Variants in PLK4 observed in about 807,000 individuals in gnomAD.
PLK4 encodes serine/threonine-protein kinase PLK4.
Under a neutral mutation model 103.0 loss-of-function variants are expected in PLK4, and 51 were observed. The ratio of observed to expected loss-of-function variants is 0.50; its 90% CI spans 0.40 to 0.63. The LOEUF is 0.63. Ranked by LOEUF, PLK4 falls within the 20% of genes least tolerant of loss-of-function variation. The pLI is 0.00. For synonymous variants in PLK4, 389 were observed against 376.8 expected (o/e 1.03, Z -0.38); for missense variants, 1,054 against 1,151.0 (o/e 0.92, Z 1.22).
chr4:127,886,518 G>A lies in PLK4; in HGVS notation c.1148G>A (p.Gly383Asp). Residue 383 changes from glycine (G) to aspartate (D), a missense_variant, in exon 5 of 16, where the codon GGC (glycine) becomes GAC (aspartate). Coordinates refer to ENST00000270861, the MANE Select transcript of PLK4 (RefSeq NM_014264.5). ...AGAGCTTATTCCTCTGATAGATCTG[G>A]CACTTCTAATAGTCAGTCTCAAGCA... ...LRRAYSSDRS[G>D]TSNSQSQAKT... 9 of 1,613,786 alleles carry A rather than the reference G, an allele frequency of 5.6e-6. No individual in the cohort carries two copies. The highest frequency in any genetic ancestry group is 6.8e-6 in the Non-Finnish European group (8 of 1,179,750).
rs1307833142 is a variant in PLK4 at position 127,883,480 on chromosome 4, A to G, written c.264A>G (p.Val88=). 7 of 1,541,376 alleles carry G rather than the reference A, an allele frequency of 4.5e-6. No individual in the cohort carries two copies. In the East Asian group the frequency reaches 9.0e-5, roughly 20 times the overall value. ...AAGATAGCAATTATGTGTATCTGGT[A>G]TTAGAAATGTGCCATAATGGAGAAA... ...YFEDSNYVYL[V]LEMCHNGEMN... The change falls in exon 4 of 16, where the codon GTA becomes GTG. Residue 88 remains valine (V), a synonymous_variant. Transcript: ENST00000270861.
At chr4:127,885,113 C>T (rs1034288946) in intron 4 of PLK4, among the ~76,000 whole-genome samples, 2 of 152,150 alleles carry the variant, frequency 1.3e-5, no homozygotes, top group African/African-American at 4.8e-5. Flanking sequence ...AAGTAGGCTT[C>T]TCTTAACTGC....
chr4:127,882,250 C>T (rs2148815389), intron 2 of PLK4, among the ~76,000 whole-genome samples: 1 of 152,188 alleles, frequency 6.6e-6, no homozygotes, highest in Non-Finnish European at 1.5e-5. Context: ...TTTTGTATTT[C>T]CCTGTAACAT....
rs550958206 is a variant in PLK4, at chr4:127,885,999, C to G, written c.629C>G (p.Pro210Arg). ...TATACATTACTTATCGGGAGACCACCCTTCGACACTGACACAGTCAAGAAC... is the reference window on the plus strand; with the variant it reads ...TATACATTACTTATCGGGAGACCACGCTTCGACACTGACACAGTCAAGAAC... ...MFYTLLIGRP[P>R]FDTDTVKNTL... is the part of the protein sequence containing the mutation. The change falls in exon 5 of 16, where the codon CCC becomes CGC. Residue 210 changes from proline to arginine, a missense_variant. Pro to Arg is a moderately radical substitution (Grantham distance 103). Around this residue, in one of 4 missense-constraint regions of PLK4, gnomAD observed 199 missense variants for 270.1 expected, o/e 0.74. Coordinates refer to ENST00000270861, the MANE Select transcript of PLK4 (RefSeq NM_014264.5). 6.2e-7 allele frequency: 1 copy of G among 1,614,052 alleles called. No individual in the cohort carries two copies. The highest frequency in any genetic ancestry group is 1.3e-5 in the African/African-American group (1 of 75,022).
At position 127,885,890 on chromosome 4, in the gene PLK4, A is replaced by G; in HGVS notation, c.520A>G (p.Thr174Ala). ...PHEKHYTLCG[T>A]PNYISPEIAT... ...TGAAAAGCACTATACATTATGTGGA[A>G]CTCCTAACTACATTTCACCAGAAAT... Residue 174 changes from threonine (T) to alanine (A), a missense_variant, in exon 5 of 16, where the codon ACT becomes GCT. By Grantham distance (58) the Thr-to-Ala change is moderately conservative. Coordinates refer to ENST00000270861, the MANE Select transcript of PLK4 (RefSeq NM_014264.5). 2 of 1,614,024 alleles carry G rather than the reference A, an allele frequency of 1.2e-6. No homozygotes were observed. Among genetic ancestry groups the G allele is most frequent in the Non-Finnish European group, 1.7e-6 (2 of 1,179,952 alleles).
Position 127,885,864 on chromosome 4 carries a change from A to G in PLK4, c.494A>G (p.His165Arg). 6.2e-7 allele frequency: 1 copy of G among 1,614,186 alleles called. No homozygotes were observed. The change falls in exon 5 of 16, where the codon CAT becomes CGT. Residue 165 changes from histidine (H) to arginine (R), a missense_variant. By Grantham distance (29) the His-to-Arg change is conservative. Transcript: ENST00000270861. The stretch of plus-strand genomic sequence containing the variant: ...CTGGCAACTCAACTGAAAATGCCAC[A>G]TGAAAAGCACTATACATTATGTGGA... ...FGLATQLKMP[H>R]EKHYTLCGTP...
rs984068940 is a variant in PLK4 at position 127,897,010 on chromosome 4, A to T, written c.2810+103A>T. The stretch of plus-strand genomic sequence containing the variant: ...TAATAAAGATACTTCTTTCATTTTG[A>T]CAATGATCGTGTGATTCTTTAAACT... On this transcript the variant is annotated intron_variant, in intron 15 of 15. Coordinates refer to ENST00000270861, the MANE Select transcript of PLK4 (RefSeq NM_014264.5). 42 of 637,004 alleles carry T rather than the reference A, an allele frequency of 6.6e-5. No individual in the cohort carries two copies. In the Admixed American group the frequency reaches 1.2e-3, roughly 18 times the overall value. The allele number at this position is 637,004 out of a possible 1,614,324, so 39.5% of individuals were successfully genotyped here.
At chr4:127,882,418 G>A (rs1734965318) in intron 2 of PLK4, among the ~76,000 whole-genome samples, 1 of 152,052 alleles carries the variant, frequency 6.6e-6, no homozygotes, top group Non-Finnish European at 1.5e-5. Flanking sequence ...TCAGGAGTTT[G>A]AAAACAACTG....
At chr4:127,898,079 A>AC (rs987855202) in intron 15 of PLK4, among the ~76,000 whole-genome samples, 2 of 150,764 alleles carry the variant, frequency 1.3e-5, no homozygotes, top group African/African-American at 4.9e-5. Flanking sequence ...CTCGTAATCC[A>AC]CCCCCCTTGG....
intron 10 of PLK4, 175 bp from the exon 11 acceptor site, chr4:127,893,110 T>A (rs1735425714): frequency 4.4e-6 from 2 of 451,780 alleles, no homozygotes; most frequent in South Asian, 8.8e-5. Context: ...GGGAAAAAAA[T>A]GGATGATCCA....
intron 4 of PLK4, 93 bp from the exon 5 acceptor site, chr4:127,885,615 A>G (rs928661141): frequency 1.8e-4 from 180 of 978,446 alleles, no homozygotes; most frequent in Non-Finnish European, 1.9e-4. Flanking sequence ...GCTCTAGAAT[A>G]TTTACCTGGG....
chr4:127,883,565 G>GT lies in PLK4; in HGVS notation c.337+20dup, dbSNP rs764441801. On this transcript the variant is annotated intron_variant, in intron 4 of 15. Coordinates refer to ENST00000270861, the MANE Select transcript of PLK4 (RefSeq NM_014264.5). ...CTCAGAAAATGAAGGTAGGTGTGTG[G>GT]TTTTTTTTGTTTGTTTTGTTTGGGT... 1.0e-4 allele frequency: 122 copies of GT among 1,194,064 alleles called. No homozygotes were observed. The highest frequency in any genetic ancestry group is 1.2e-4 in the South Asian group (9 of 76,324). 74.0% of individuals were successfully genotyped at this position (1,194,064 alleles called of 1,614,324 possible).
In PLK4 at chr4:127,885,807, G is replaced by A. The variant is rs35232579; in HGVS notation, c.437G>A (p.Arg146His). The change falls in exon 5 of 16, where the codon CGT becomes CAT. Residue 146 changes from arginine (R) to histidine (H), a missense_variant. Around this residue, in one of 4 missense-constraint regions of PLK4, gnomAD observed 199 missense variants for 270.1 expected, o/e 0.74. Transcript: ENST00000270861. ...ACACTTTCTAACCTCCTACTGACTC[G>A]TAATATGAACATCAAGATTGCTGAT... Reference protein sequence around the residue: ...DLTLSNLLLTRNMNIKIADFG... With the variant: ...DLTLSNLLLTHNMNIKIADFG... The A allele has an allele frequency of 1.8e-4, 294 of 1,613,690 alleles. 1 individual carries two copies. The highest frequency in any genetic ancestry group is 2.3e-4 in the Non-Finnish European group (276 of 1,179,898).
chr4:127,892,268 T>C (rs1735388694), intron 9 of PLK4, 97 bp from the exon 10 acceptor site: 2 of 737,156 alleles, frequency 2.7e-6, no homozygotes, highest in Admixed American at 3.3e-5. Flanking sequence ...TAAGAAAACC[T>C]GTCTAATGTA....
chr4:127,898,029 G>A (rs1239954661), intron 15 of PLK4, among the ~76,000 whole-genome samples: 1 of 151,186 alleles, frequency 6.6e-6, no homozygotes, highest in African/African-American at 2.4e-5. Flanking sequence ...GTAGAGACAG[G>A]GTTTCAACAT....
chr4:127,890,248 A>T lies in PLK4; in HGVS notation c.1830+12A>T. On this transcript the variant is annotated intron_variant, in intron 7 of 15. Transcript: ENST00000270861. ...CCAAAAAGGCTGTGGTATGTCTGTT[A>T]TCTTCTTAAGTTACTAAATAACATT... is the stretch of plus-strand genomic sequence containing the variant. 2 of 1,571,548 alleles carry T rather than the reference A, an allele frequency of 1.3e-6. No individual in the cohort carries two copies. The highest frequency in any genetic ancestry group is 1.7e-6 in the Non-Finnish European group (2 of 1,159,918).
At chr4:127,896,026 C>A (rs1048623956) in intron 14 of PLK4, among the ~76,000 whole-genome samples, 1 of 152,168 alleles carries the variant, frequency 6.6e-6, no homozygotes, top group African/African-American at 2.4e-5. Context: ...TGTACTTTTA[C>A]TTAACAGTGA....
At chr4:127,883,143 T>C in intron 2 of PLK4, 119 bp from the exon 3 acceptor site, 1 of 603,814 alleles carries the variant, frequency 1.7e-6, no homozygotes, top group Admixed American at 3.2e-5. Context: ...AACAGTAGGT[T>C]GACCACAAAG....
chr4:127,890,614 T>G (rs547407696), intron 7 of PLK4, among the ~76,000 whole-genome samples: 3 of 152,182 alleles, frequency 2.0e-5, no homozygotes, highest in Non-Finnish European at 4.4e-5. Flanking sequence ...CCATCTCAAA[T>G]TTTAAAAAAC....
Sources: gnomAD v4.1 joint callset for allele counts (sites outside exome capture counted in the v4.1 genomes callset) on GRCh38, gnomAD v4.1.1 for gene constraint, gnomAD v4.1.1 regional missense constraint, MANE v1.5 for transcripts, NCBI Gene and HGNC (gene_info 2026-07-23, HGNC 2026-07-21) for gene names.